LHFPL2: variants seen among roughly 807,000 people sequenced by gnomAD.
The protein encoded by LHFPL2 is LHFPL tetraspan subfamily member 2, also known as LHFPL tetraspan subfamily member 2 protein.
Under a neutral mutation model 17.5 loss-of-function variants are expected in LHFPL2, and 7 were observed. The observed-to-expected ratio is 0.40, with a 90% confidence interval of 0.23 to 0.75. The LOEUF (loss-of-function observed/expected upper bound fraction) is 0.75, where lower values mean the gene tolerates loss of function less well. Among genes scored for constraint, LHFPL2 ranks in the 30% least tolerant of loss-of-function variants. LHFPL2 has a pLI of 0.37. For missense variants in LHFPL2, 241 were observed against 294.8 expected (o/e 0.82, Z 1.34); for synonymous variants, 134 against 116.2 (o/e 1.15, Z -0.99).
intron 3 of LHFPL2, among the ~76,000 whole-genome samples, chr5:78,538,321 CA>C (rs1231633739): frequency 1.4e-5 from 2 of 147,740 alleles, no homozygotes; most frequent in Non-Finnish European, 3.0e-5. Flanking sequence ...TTATATACAA[CA>C]GGTGGCTCAT....
intron 3 of LHFPL2, among the ~76,000 whole-genome samples, chr5:78,531,516 A>G (rs988068494): frequency 1.3e-5 from 2 of 152,084 alleles, no homozygotes; most frequent in African/African-American, 4.8e-5. Flanking sequence ...AGGTTCCACT[A>G]TGGCACTGCT....
chr5:78,616,978 C>T (rs9293754), intron 2 of LHFPL2, among the ~76,000 whole-genome samples: 51,834 of 152,058 alleles, frequency 0.34, 9,596 homozygotes, highest in Non-Finnish European at 0.43. Context: ...TCTGAAGTGT[C>T]ACAAGTCCCT....
chr5:78,507,203 G>A (rs1754956937), intron 4 of LHFPL2, among the ~76,000 whole-genome samples: 1 of 152,180 alleles, frequency 6.6e-6, no homozygotes, highest in South Asian at 2.1e-4. Flanking sequence ...GGTGGCAGGT[G>A]CCTGTCATCC....
At chr5:78,492,131 C>T (rs981006405) in intron 4 of LHFPL2, among the ~76,000 whole-genome samples, 2 of 152,184 alleles carry the variant, frequency 1.3e-5, no homozygotes, top group African/African-American at 4.8e-5. Context: ...CTGGTGTACC[C>T]TCCATGGGCC....
chr5:78,500,030 A>G (rs1754723983), intron 4 of LHFPL2, among the ~76,000 whole-genome samples: 1 of 67,702 alleles, frequency 1.5e-5, no homozygotes. Context: ...AAAGGAAAAA[A>G]AAAAAAAGGC....
In LHFPL2 at chr5:78,510,317, C is replaced by T; in HGVS notation, c.-104G>A. ...GGGCGGCCCGGGAAGGAAGTCGCAG[C>T]TGCAGTCATTCACTCCCGCCGCCGG... On this transcript the variant is annotated 5_prime_UTR_variant, in exon 4 of 5. Transcript: ENST00000380345. The T allele has an allele frequency of 3.4e-6, 4 of 1,162,084 alleles. No homozygotes were observed. The highest frequency in any genetic ancestry group is 3.2e-5 in the South Asian group (2 of 61,552). 72.0% of individuals were successfully genotyped at this position (1,162,084 alleles called of 1,614,324 possible).
chr5:78,621,710 C>T (rs1744862575), intron 2 of LHFPL2, among the ~76,000 whole-genome samples: 1 of 152,226 alleles, frequency 6.6e-6, no homozygotes. Context: ...CAAGTAAAAC[C>T]ACAATTCCCT....
chr5:78,568,546 G>A (rs1055281951), intron 2 of LHFPL2, among the ~76,000 whole-genome samples: 1 of 152,202 alleles, frequency 6.6e-6, no homozygotes, highest in Non-Finnish European at 1.5e-5. Flanking sequence ...GAAGTGCACT[G>A]ATTTGAATTG....
chr5:78,631,266 G>A (rs1214945479), intron 2 of LHFPL2, among the ~76,000 whole-genome samples: 1 of 152,202 alleles, frequency 6.6e-6, no homozygotes, highest in East Asian at 1.9e-4. Context: ...CCAATGGCAG[G>A]GTTGCCTGGG....
At chr5:78,567,484 T>C (rs1375785258) in intron 2 of LHFPL2, among the ~76,000 whole-genome samples, 1 of 152,220 alleles carries the variant, frequency 6.6e-6, no homozygotes, top group Non-Finnish European at 1.5e-5. Flanking sequence ...TTGTTCTATG[T>C]ATTAGAACAG....
chr5:78,491,139 C>T (rs540675112), intron 4 of LHFPL2: 13 of 152,328 alleles, frequency 8.5e-5, no homozygotes, highest in African/African-American at 3.1e-4. Context: ...CATGTCACTA[C>T]CAGGGCATTT....
chr5:78,555,775 A>T (rs1756555113), intron 3 of LHFPL2, among the ~76,000 whole-genome samples: 1 of 152,252 alleles, frequency 6.6e-6, no homozygotes. Context: ...TGGAAAAGCC[A>T]GAGGATGCGA....
At chr5:78,491,867 G>C (rs987989945) in intron 4 of LHFPL2, among the ~76,000 whole-genome samples, 1 of 152,198 alleles carries the variant, frequency 6.6e-6, no homozygotes, top group Non-Finnish European at 1.5e-5. Flanking sequence ...GGCATATTTT[G>C]AGAAGTATAA....
chr5:78,561,291 CT>C (rs1375953686), intron 3 of LHFPL2, among the ~76,000 whole-genome samples: 1 of 152,192 alleles, frequency 6.6e-6, no homozygotes, highest in Admixed American at 6.5e-5. Context: ...AGAAAGAAAA[CT>C]TCAGTACCTC....
At chr5:78,578,468 T>C (rs1021804282) in intron 2 of LHFPL2, among the ~76,000 whole-genome samples, 8 of 152,128 alleles carry the variant, frequency 5.3e-5, no homozygotes, top group Non-Finnish European at 1.2e-4. Flanking sequence ...AGGGTTTAGT[T>C]AATTTCCTTC....
chr5:78,580,176 A>G (rs998494196), intron 2 of LHFPL2, among the ~76,000 whole-genome samples: 23 of 152,044 alleles, frequency 1.5e-4, no homozygotes, highest in Middle Eastern at 3.4e-3. Flanking sequence ...CATGTCCTTC[A>G]CCCACTTTTT....
chr5:78,623,324 T>G, intron 2 of LHFPL2, among the ~76,000 whole-genome samples: 1 of 152,236 alleles, frequency 6.6e-6, no homozygotes, highest in East Asian at 1.9e-4. Flanking sequence ...TATTTTCATT[T>G]TATAGCAAGT....
intron 4 of LHFPL2, among the ~76,000 whole-genome samples, chr5:78,502,609 C>T (rs9293752): frequency 0.71 from 107,325 of 152,080 alleles, 39,242 homozygotes; most frequent in East Asian, 0.92. Context: ...AGCTCCTGCT[C>T]GACTATAACC....
At chr5:78,575,752 C>T (rs1229709705) in intron 2 of LHFPL2, among the ~76,000 whole-genome samples, 1 of 152,120 alleles carries the variant, frequency 6.6e-6, no homozygotes, top group Non-Finnish European at 1.5e-5. Flanking sequence ...AACACACACA[C>T]TACAAAAGAC....
Sources: allele counts gnomAD v4.1 joint callset (sites outside exome capture counted in the v4.1 genomes callset), GRCh38; gene constraint gnomAD v4.1.1; transcripts MANE v1.5; gene names NCBI Gene and HGNC (gene_info 2026-07-23, HGNC 2026-07-21).